Variants in MSR1 observed in about 807,000 individuals in gnomAD.
The protein encoded by MSR1 is macrophage scavenger receptor 1.
MSR1 carries 53 observed loss-of-function variants against 47.2 expected under a neutral mutation model. The ratio of observed to expected loss-of-function variants is 1.12; its 90% confidence interval spans 0.90 to 1.41. MSR1 has a LOEUF of 1.41. Among genes scored for constraint, MSR1 ranks in the 40% most tolerant of loss-of-function variants. MSR1 has a pLI of 0.00. For missense variants in MSR1, 786 were observed against 546.9 expected, an observed-to-expected ratio of 1.44 and a Z score of -4.36; for synonymous variants, 239 against 185.6, an observed-to-expected ratio of 1.29 and a Z score of -2.34.
chr8:16,131,830 C>T (rs987512111), intron 8 of MSR1, among the ~76,000 whole-genome samples: 2 of 151,972 alleles, frequency 1.3e-5, no homozygotes, highest in African/African-American at 4.8e-5. Flanking sequence ...TATTCTGTTC[C>T]ATTGGTGTAT....
intron 7 of MSR1, among the ~76,000 whole-genome samples, chr8:16,149,444 G>A (rs1001926863): frequency 1.1e-4 from 17 of 151,170 alleles, no homozygotes; most frequent in East Asian, 1.9e-4. Flanking sequence ...GCTCAGGCTC[G>A]TCTCAAACTC....
intron 6 of MSR1, among the ~76,000 whole-genome samples, chr8:16,153,237 C>CAT (rs1800909734): frequency 6.6e-6 from 1 of 152,016 alleles, no homozygotes; most frequent in Non-Finnish European, 1.5e-5. Context: ...GATTGTCCAT[C>CAT]ATATACTCTT....
chr8:16,115,717 C>T (rs562779313), intron 9 of MSR1, among the ~76,000 whole-genome samples: 2 of 152,204 alleles, frequency 1.3e-5, no homozygotes, highest in African/African-American at 4.8e-5. Context: ...GTGGTTCACA[C>T]TTGTCATTCC....
Position 16,177,889 on chromosome 8 carries a change from G to T in MSR1, c.100C>A (p.Pro34Thr), listed in dbSNP as rs1801698589. 1.9e-6 allele frequency: 3 copies of T among 1,613,434 alleles called. No homozygotes were observed. In the South Asian group the frequency reaches 3.3e-5, roughly 18 times the overall value. ...DARSMTALLP[P>T]NPKNSPSLQE... Reference sequence around the variant, plus strand: ...CAGCCCATCCCCCTCTACTTACTCGGAGGAAGCAAAGCTGTCATTGAGCGA... The same window carrying T: ...CAGCCCATCCCCCTCTACTTACTCGTAGGAAGCAAAGCTGTCATTGAGCGA... Residue 34 changes from proline (P) to threonine (T), a missense_variant, in exon 2 of 10, where the codon CCG becomes ACG. By Grantham distance (38) the Pro-to-Thr change is conservative. Coordinates refer to ENST00000262101, the MANE Select transcript of MSR1 (RefSeq NM_138715.3).
chr8:16,181,385 T>C (rs997473032), intron 1 of MSR1, among the ~76,000 whole-genome samples: 1 of 151,834 alleles, frequency 6.6e-6, no homozygotes, highest in Non-Finnish European at 1.5e-5. Flanking sequence ...TGATCGCCAT[T>C]CTTGGAACCA....
Position 16,110,091 on chromosome 8 carries a change from A to T in MSR1, c.1350T>A (p.Thr450=). 1.2e-6 allele frequency: 2 copies of T among 1,613,590 alleles called. No homozygotes were observed. The highest frequency in any genetic ancestry group is 1.7e-6 in the Non-Finnish European group (2 of 1,179,654). ...TGAATGAAAATATGATGCATTATAA[A>T]GTGCAAGTGACTCCAGCATCTTCAG... ...SHSEDAGVTC[T]L The change falls in exon 10 of 10, where the codon ACT becomes ACA. Residue 450 remains threonine (T), a synonymous_variant. Coordinates refer to ENST00000262101, the MANE Select transcript of MSR1 (RefSeq NM_138715.3).
Position 16,109,841 on chromosome 8 carries a change from A to G in MSR1, c.*244T>C. The G allele has an allele frequency of 1.9e-6, 1 of 514,110 alleles. No homozygotes were observed. The highest frequency in any genetic ancestry group is 3.5e-5 in the East Asian group (1 of 28,276). The allele number at this position is 514,110 out of a possible 1,614,324, so 31.8% of individuals were successfully genotyped here. On this transcript the variant is annotated 3_prime_UTR_variant, in exon 10 of 10. Coordinates refer to ENST00000262101, the MANE Select transcript of MSR1 (RefSeq NM_138715.3). ...GAAGCTATAAACTTCAAAATGTTCA[A>G]TTCAGCATATAAGTCATTATATTAG...
intron 1 of MSR1, among the ~76,000 whole-genome samples, 152 bp from the exon 2 acceptor site, chr8:16,178,144 T>C (rs1300319609): frequency 6.6e-6 from 1 of 151,868 alleles, no homozygotes; most frequent in Non-Finnish European, 1.5e-5. Flanking sequence ...AGGGTACATG[T>C]GCACAACGTG....
intron 8 of MSR1, among the ~76,000 whole-genome samples, chr8:16,128,894 T>C (rs542456905): frequency 6.6e-6 from 1 of 152,294 alleles, no homozygotes; most frequent in Admixed American, 6.5e-5. Context: ...AATAATAATA[T>C]GTTTGTTAGC....
chr8:16,174,036 C>T (rs748261925), intron 3 of MSR1, among the ~76,000 whole-genome samples: 5 of 152,118 alleles, frequency 3.3e-5, no homozygotes, highest in Non-Finnish European at 7.3e-5. Context: ...AACTCGGGTT[C>T]GGAAGTCTTG....
chr8:16,125,211 T>C (rs1800102355), intron 8 of MSR1, among the ~76,000 whole-genome samples: 1 of 152,118 alleles, frequency 6.6e-6, no homozygotes. Flanking sequence ...TAAATGTCAA[T>C]TCAATTTACA....
chr8:16,134,461 G>A (rs1054698647), intron 8 of MSR1, among the ~76,000 whole-genome samples: 6 of 152,082 alleles, frequency 3.9e-5, no homozygotes, highest in Admixed American at 1.3e-4. Context: ...AACCATGCCC[G>A]TAAAAGATGG....
At chr8:16,188,502 T>G (rs1421185694) in intron 1 of MSR1, among the ~76,000 whole-genome samples, 1 of 152,152 alleles carries the variant, frequency 6.6e-6, no homozygotes, top group Non-Finnish European at 1.5e-5. Flanking sequence ...CTTGAAATTT[T>G]TTTTATTATT....
chr8:16,136,336 A>C (rs905411820), intron 8 of MSR1, among the ~76,000 whole-genome samples: 1 of 152,154 alleles, frequency 6.6e-6, no homozygotes, highest in African/African-American at 2.4e-5. Flanking sequence ...CCTCCACCAG[A>C]AAAAGATAAC....
chr8:16,152,819 G>A (rs1014262374), intron 6 of MSR1, among the ~76,000 whole-genome samples: 2 of 151,926 alleles, frequency 1.3e-5, no homozygotes, highest in East Asian at 1.9e-4. Flanking sequence ...TCCTGGAAGC[G>A]CTGTGAATTC....
intron 8 of MSR1, among the ~76,000 whole-genome samples, chr8:16,142,474 T>A (rs975888521): frequency 2.0e-5 from 3 of 152,138 alleles, no homozygotes; most frequent in African/African-American, 7.2e-5. Flanking sequence ...ACTCATTAAG[T>A]AACACTAAAG....
chr8:16,117,457 G>A (rs1799903039), intron 9 of MSR1, among the ~76,000 whole-genome samples: 1 of 152,136 alleles, frequency 6.6e-6, no homozygotes, highest in Non-Finnish European at 1.5e-5. Context: ...CTGTCAGTGA[G>A]TGGAAAGTGA....
At chr8:16,189,014 A>G (rs1239467414) in intron 1 of MSR1, among the ~76,000 whole-genome samples, 4 of 146,042 alleles carry the variant, frequency 2.7e-5, no homozygotes, top group Middle Eastern at 3.8e-3. Context: ...ACATATATAT[A>G]TGTGTTGAAT....
At chr8:16,129,968 T>A (rs1199908862) in intron 8 of MSR1, among the ~76,000 whole-genome samples, 2 of 152,156 alleles carry the variant, frequency 1.3e-5, no homozygotes, top group Non-Finnish European at 2.9e-5. Flanking sequence ...GTACTCAGGC[T>A]ATGGAGGAAA....
Sources: allele counts gnomAD v4.1 joint callset (sites outside exome capture counted in the v4.1 genomes callset), GRCh38; gene constraint gnomAD v4.1.1; transcripts MANE v1.5; gene names NCBI Gene and HGNC (gene_info 2026-07-23, HGNC 2026-07-21).